Variants in TH observed in about 807,000 individuals in gnomAD.
TH encodes tyrosine hydroxylase.
TH carries 49 observed loss-of-function variants against 57.4 expected under a neutral mutation model. That is an observed-to-expected ratio of 0.85 (90% confidence interval 0.68 to 1.08). The LOEUF is 1.08. Among genes scored for constraint, TH ranks in the 50% least tolerant of loss-of-function variants. The pLI is 0.00. For synonymous variants in TH, 330 were observed against 304.5 expected (o/e 1.08, Z -0.87); for missense variants, 720 against 696.7 (o/e 1.03, Z -0.38).
rs1411331505 is a variant in TH, at chr11:2,169,785, T to C, written c.177A>G (p.Ala59=). 1 of 1,611,320 alleles carries C rather than the reference T, an allele frequency of 6.2e-7. No individual in the cohort carries two copies. The change falls in exon 2 of 13, where the codon GCA becomes GCG. Residue 59 remains alanine (A), a synonymous_variant. Transcript: ENST00000352909. ...REAAVAAAAA[A]VPSEPGDPLE... is the part of the protein sequence containing the mutation. ...GGGGGTCCCCGGGCTCCGAGGGGAC[T>C]GCAGCGGCCGCTGCTGCCACCGCCG...
chr11:2,167,734 C>A (rs1481820405), intron 5 of TH, 132 bp downstream of exon 5: 16 of 1,251,162 alleles, frequency 1.3e-5, no homozygotes, highest in Non-Finnish European at 8.0e-6. Context: ...AGCCCTGGAG[C>A]AGAGCTGCCT....
rs1846260264 is a variant in TH at position 2,171,592 on chromosome 11, C to CCTGA, written c.90+101_90+104dup. 9.9e-6 allele frequency: 13 copies of CCTGA among 1,309,344 alleles called. No homozygotes were observed. The South Asian group carries it at 1.5e-4, about 15-fold the overall frequency. The allele number at this position is 1,309,344 out of a possible 1,614,324, so 81.1% of individuals were successfully genotyped here. A position where few individuals can be genotyped will look rare whatever the true frequency, so the allele number is the denominator to read the frequency against. The stretch of plus-strand genomic sequence containing the variant: ...CCGCGTCCCAGGGGTTTGCATGGAC[C>CCTGA]CTGAGCCTGGGGCTGCCAGCCAGGC... On this transcript the variant is annotated intron_variant, in intron 1 of 12. Transcript: ENST00000352909. The surrounding 1 kb of genome is among the most constrained non-coding windows in gnomAD (Gnocchi z 8.6).
Position 2,168,503 on chromosome 11 carries a change from C to T in TH, c.475G>A (p.Ala159Thr), listed in dbSNP as rs1490005005. The T allele has an allele frequency of 5.0e-6, 8 of 1,612,192 alleles. No homozygotes were observed. Among genetic ancestry groups the T allele is most frequent in the South Asian group, 1.1e-5 (1 of 91,066 alleles). ...RQVSEDVRSP[A>T]GPKVPWFPRK... ...AAAACCGCCTCACCCTTGGGCCCCG[C>T]GGGGCTGCGCACGTCCTCTGACACC... Residue 159 changes from alanine (A) to threonine (T), a missense_variant, in exon 3 of 13, where the codon GCG (alanine) becomes ACG (threonine). Coordinates refer to ENST00000352909, the MANE Select transcript of TH (RefSeq NM_000360.4).
intron 12 of TH, among the ~76,000 whole-genome samples, chr11:2,164,593 C>T (rs745403470): frequency 7.2e-5 from 11 of 152,190 alleles, no homozygotes; most frequent in East Asian, 5.8e-4. Flanking sequence ...ATAGGCTAGG[C>T]GCCTTTTCCA....
At position 2,164,101 on chromosome 11, in the gene TH, C is replaced by T. The variant is rs1034351146; in HGVS notation, c.*132G>A. ...CAGCTGTTGCGCTGAGAAGCAGGTG[C>T]AGGGGCAGTGGGAGCCTGGCAGCAG... is the stretch of plus-strand genomic sequence containing the variant. On this transcript the variant is annotated 3_prime_UTR_variant, in exon 13 of 13. Coordinates refer to ENST00000352909, the MANE Select transcript of TH (RefSeq NM_000360.4). 3 of 785,964 alleles carry T rather than the reference C, an allele frequency of 3.8e-6. No homozygotes were observed. The highest frequency in any genetic ancestry group is 3.6e-5 in the African/African-American group (2 of 55,260). 48.7% of individuals were successfully genotyped at this position (785,964 alleles called of 1,614,324 possible).
chr11:2,166,079 A>G lies in TH; in HGVS notation c.1048-21T>C, dbSNP rs201432395. On this transcript the variant is annotated intron_variant, in intron 9 of 12. Coordinates refer to ENST00000352909, the MANE Select transcript of TH (RefSeq NM_000360.4). ...ATGTCCTGTGGAGCAGGGAGGATGA[A>G]GGATGGGGAGAGGCAGCCCTGGGTC... 5 of 1,551,662 alleles carry G rather than the reference A, an allele frequency of 3.2e-6. No individual in the cohort carries two copies. The East Asian group carries it at 1.2e-4, about 38-fold the overall frequency.
intron 4 of TH, 69 bp from the exon 5 acceptor site, chr11:2,168,002 T>C: frequency 1.2e-6 from 2 of 1,609,962 alleles, no homozygotes; most frequent in Non-Finnish European, 8.5e-7. Flanking sequence ...CGGAGGCTCC[T>C]GGAGCCGACA....
chr11:2,170,888 TCA>T lies in TH; in HGVS notation c.90+807_90+808del. 1.6e-6 allele frequency: 1 copy of T among 612,870 alleles called. No individual in the cohort carries two copies. The highest frequency in any genetic ancestry group is 2.7e-5 in the East Asian group (1 of 36,406). The allele number at this position is 612,870 out of a possible 1,614,324, so 38.0% of individuals were successfully genotyped here. A position where few individuals can be genotyped will look rare whatever the true frequency, so the allele number is the denominator to read the frequency against. ...TACCTGGAAATGACACTGCTACAACTCACACCACATTTCAATCAAGGTCCATA... is the reference window on the plus strand; with the variant it reads ...TACCTGGAAATGACACTGCTACAACTCACCACATTTCAATCAAGGTCCATA... On this transcript the variant is annotated intron_variant, in intron 1 of 12. Transcript: ENST00000352909. The surrounding 1 kb of genome is among the most constrained non-coding windows in gnomAD (Gnocchi z 6.0).
chr11:2,167,743 C>T (rs1846138247), intron 5 of TH, 123 bp downstream of exon 5: 1 of 1,287,830 alleles, frequency 7.8e-7, no homozygotes, highest in African/African-American at 1.5e-5. Flanking sequence ...GCAGAGCTGC[C>T]TGGCAGGAGG....
rs751689544 is a variant in TH, at chr11:2,168,032, G to A, written c.576+59C>T. On this transcript the variant is annotated intron_variant, in intron 4 of 12. Transcript: ENST00000352909. ...CCGACAGACTCCTGTCCAGGGTTGGGCTAAGGGTAGGGGATGTGATCAGGG... is the reference window on the plus strand; with the variant it reads ...CCGACAGACTCCTGTCCAGGGTTGGACTAAGGGTAGGGGATGTGATCAGGG... 20 of 1,610,506 alleles carry A rather than the reference G, an allele frequency of 1.2e-5. No individual in the cohort carries two copies. The Middle Eastern group carries it at 5.0e-4, about 40-fold the overall frequency.
At chr11:2,167,534 G>A in intron 5 of TH, 49 bp from the exon 6 acceptor site, 1 of 1,541,892 alleles carries the variant, frequency 6.5e-7, no homozygotes, top group Admixed American at 2.0e-5. Context: ...AGTGAGAAGG[G>A]CAGGAGGGAG....
intron 5 of TH, 139 bp downstream of exon 5, chr11:2,167,727 C>T: frequency 8.2e-7 from 1 of 1,225,208 alleles, no homozygotes; most frequent in Non-Finnish European, 1.2e-6. Flanking sequence ...CATGGAAAGC[C>T]CTGGAGCAGA....
In TH at chr11:2,164,001, T is replaced by C. The variant is rs1041658861; in HGVS notation, c.*232A>G. 1.1e-4 allele frequency: 43 copies of C among 394,210 alleles called. No individual in the cohort carries two copies. Among genetic ancestry groups the C allele is most frequent in the Non-Finnish European group, 8.5e-5 (19 of 223,722 alleles). 24.4% of individuals were successfully genotyped at this position (394,210 alleles called of 1,614,324 possible). A position where few individuals can be genotyped will look rare whatever the true frequency, so the allele number is the denominator to read the frequency against. The stretch of plus-strand genomic sequence containing the variant: ...AGTGTCAGGGAAGGGCGGAGGGCAG[T>C]GCAGCAGCCCCCAGGACCCTGGGAG... On this transcript the variant is annotated 3_prime_UTR_variant, in exon 13 of 13. Coordinates refer to ENST00000352909, the MANE Select transcript of TH (RefSeq NM_000360.4).
intron 11 of TH, 118 bp downstream of exon 11, chr11:2,165,548 CAG>C: frequency 7.3e-7 from 1 of 1,362,584 alleles, no homozygotes; most frequent in Non-Finnish European, 1.0e-6. Context: ...TTCTCCCAAA[CAG>C]AGCCTGAGTC....
intron 10 of TH, 43 bp from the exon 11 acceptor site, chr11:2,165,806 C>G: frequency 6.3e-7 from 1 of 1,589,470 alleles, no homozygotes; most frequent in South Asian, 1.1e-5. Context: ...ACAGCTGCCG[C>G]CCACCGGGCA....
rs946931193 is a variant in TH, at chr11:2,165,506, A to G, written c.1201-141T>C. 5.0e-6 allele frequency: 7 copies of G among 1,412,470 alleles called. No homozygotes were observed. In the African/African-American group the frequency reaches 8.5e-5, roughly 17 times the overall value. 87.5% of individuals were successfully genotyped at this position (1,412,470 alleles called of 1,614,324 possible). A position where few individuals can be genotyped will look rare whatever the true frequency, so the allele number is the denominator to read the frequency against. On this transcript the variant is annotated intron_variant, in intron 11 of 12. Transcript: ENST00000352909. Reference sequence around the variant, plus strand: ...CGCCGGGCCTTCGGAGGCCTGGGATAATGTGGGGTGAGGACTGGGCAGAGA... The same window carrying G: ...CGCCGGGCCTTCGGAGGCCTGGGATGATGTGGGGTGAGGACTGGGCAGAGA...
chr11:2,167,746 G>T, intron 5 of TH, 120 bp downstream of exon 5: 1 of 1,285,230 alleles, frequency 7.8e-7, no homozygotes, highest in Non-Finnish European at 1.1e-6. Flanking sequence ...GAGCTGCCTG[G>T]CAGGAGGCAC....
In TH at chr11:2,171,578, G is replaced by A. The variant is rs1846259821; in HGVS notation, c.90+119C>T. The stretch of plus-strand genomic sequence containing the variant: ...CCTCCACATCCACGCCGCGTCCCAG[G>A]GGTTTGCATGGACCCTGAGCCTGGG... On this transcript the variant is annotated intron_variant, in intron 1 of 12. Transcript: ENST00000352909. The surrounding 1 kb of genome is among the most constrained non-coding windows in gnomAD (Gnocchi z 8.6). 3 of 1,102,262 alleles carry A rather than the reference G, an allele frequency of 2.7e-6. No homozygotes were observed. The highest frequency in any genetic ancestry group is 1.3e-5 in the South Asian group (1 of 77,112). 68.3% of individuals were successfully genotyped at this position (1,102,262 alleles called of 1,614,324 possible).
At position 2,164,405 on chromosome 11, in the gene TH, G is replaced by A. The variant is rs1846025725; in HGVS notation, c.1335-13C>T. The A allele has an allele frequency of 1.3e-6, 2 of 1,541,754 alleles. No individual in the cohort carries two copies. The highest frequency in any genetic ancestry group is 1.4e-5 in the African/African-American group (1 of 71,454). The stretch of plus-strand genomic sequence containing the variant: ...TGAGGCATAGCTCCTGGGGAGGAGA[G>A]CGGCAGAGCCCTCGTCAACTGGCGG... On this transcript the variant is annotated splice_polypyrimidine_tract_variant and intron_variant, in intron 12 of 12. Transcript: ENST00000352909.
Sources: allele counts gnomAD v4.1 joint callset (sites outside exome capture counted in the v4.1 genomes callset), GRCh38; gene constraint gnomAD v4.1.1; non-coding constraint Gnocchi (gnomAD v3.1); transcripts MANE v1.5; gene names NCBI Gene and HGNC (gene_info 2026-07-23, HGNC 2026-07-21).